MYO3B: variants seen among roughly 807,000 people sequenced by gnomAD.
The protein encoded by MYO3B is myosin IIIB, also known as myosin-IIIb.
A neutral mutation model predicts 174.6 loss-of-function variants in MYO3B; 156 were observed. The ratio of observed to expected loss-of-function variants is 0.89; its 90% CI spans 0.78 to 1.02. MYO3B has a LOEUF of 1.02. Ranked by LOEUF, MYO3B falls within the 50% of genes least tolerant of loss-of-function variation. The pLI, the probability that MYO3B is intolerant of heterozygous loss-of-function variation, is 0.00. For synonymous variants in MYO3B, 563 were observed against 569.1 expected (o/e 0.99, Z 0.15); for missense variants, 1,632 against 1,639.4 (o/e 1.00, Z 0.08).
chr2:170,518,924 C>G (rs1489760538), intron 29 of MYO3B, among the ~76,000 whole-genome samples: 1 of 152,210 alleles, frequency 6.6e-6, no homozygotes, highest in Non-Finnish European at 1.5e-5. Flanking sequence ...TTGTTACCCT[C>G]ATTGTTGAGA....
In MYO3B at chr2:170,490,032, C is replaced by CT. The variant is rs1421250552; in HGVS notation, c.3015-8546dup. On this transcript the variant is annotated intron_variant, in intron 25 of 34. Coordinates refer to ENST00000408978, the MANE Select transcript of MYO3B (RefSeq NM_138995.5). ...TTTTCATTTTCAGTTTCTTTTCTTT[C>CT]TTTTTTTTTTTTTTGAGATGGAGTC... is the stretch of plus-strand genomic sequence containing the variant. 2.2e-3 allele frequency among the ~76,000 whole-genome samples: 310 copies of CT among 139,592 alleles called. 5 individuals are homozygous for CT. In the South Asian group the frequency reaches 0.025, roughly 11 times the overall value. 91.6% of individuals were successfully genotyped at this position (139,592 alleles called of 152,430 possible).
At chr2:170,583,820 A>G (rs1575200880) in intron 32 of MYO3B, among the ~76,000 whole-genome samples, 1 of 152,194 alleles carries the variant, frequency 6.6e-6, no homozygotes, top group East Asian at 1.9e-4. Flanking sequence ...CAAATAGTAC[A>G]TTGTGACTTC....
chr2:170,221,449 G>A lies in MYO3B; in HGVS notation c.603+4054G>A, dbSNP rs180898125. 5.5e-3 allele frequency among the ~76,000 whole-genome samples: 842 copies of A among 152,240 alleles called. 9 individuals are homozygous for A. Among genetic ancestry groups the A allele is most frequent in the African/African-American group, 0.019 (784 of 41,544 alleles). On this transcript the variant is annotated intron_variant, in intron 6 of 34. Coordinates refer to ENST00000408978, the MANE Select transcript of MYO3B (RefSeq NM_138995.5). The stretch of plus-strand genomic sequence containing the variant: ...GGGTAGCTAATGGAATGTGACCACA[G>A]TACAATCAAATGTTGATGAGCAGTC...
At chr2:170,474,438 A>G (rs1345746547) in intron 25 of MYO3B, among the ~76,000 whole-genome samples, 1 of 151,940 alleles carries the variant, frequency 6.6e-6, no homozygotes, top group South Asian at 2.1e-4. Flanking sequence ...GGATAGGCTA[A>G]AACGATAGGC....
At chr2:170,261,099 C>A (rs569234263) in intron 7 of MYO3B, among the ~76,000 whole-genome samples, 29 of 152,216 alleles carry the variant, frequency 1.9e-4, no homozygotes, top group Non-Finnish European at 4.0e-4. Flanking sequence ...TCTTGGCTCA[C>A]CGCAAACTCC....
At chr2:170,261,031 T>G (rs1050552691) in intron 7 of MYO3B, among the ~76,000 whole-genome samples, 2 of 152,190 alleles carry the variant, frequency 1.3e-5, no homozygotes, top group Non-Finnish European at 2.9e-5. Context: ...TTTGTTTTTG[T>G]TTTTGTTTTG....
At chr2:170,374,286 A>G (rs1415088943) in intron 9 of MYO3B, among the ~76,000 whole-genome samples, 1 of 152,210 alleles carries the variant, frequency 6.6e-6, no homozygotes, top group Non-Finnish European at 1.5e-5. Context: ...GGTAGGGAAG[A>G]AAGTGACACC....
At chr2:170,564,164 G>A (rs1432594685) in intron 32 of MYO3B, among the ~76,000 whole-genome samples, 1 of 152,200 alleles carries the variant, frequency 6.6e-6, no homozygotes, top group African/African-American at 2.4e-5. Context: ...GGACCACTTA[G>A]ATGAAATGGC....
chr2:170,380,914 G>A (rs1196853206), intron 9 of MYO3B, among the ~76,000 whole-genome samples: 1 of 152,126 alleles, frequency 6.6e-6, no homozygotes, highest in South Asian at 2.1e-4. Context: ...CCAGAAGTTT[G>A]AGATTAGCCT....
intron 3 of MYO3B, among the ~76,000 whole-genome samples, chr2:170,212,009 C>T (rs988409081): frequency 1.9e-4 from 29 of 151,304 alleles, no homozygotes; most frequent in Non-Finnish European, 3.4e-4. Flanking sequence ...CTTGGGAGGC[C>T]GAGGCTGGCA....
At chr2:170,407,948 T>C (rs2094521585) in intron 22 of MYO3B, 104 bp downstream of exon 22, 9 of 1,370,746 alleles carry the variant, frequency 6.6e-6, no homozygotes, top group Non-Finnish European at 8.1e-6. Flanking sequence ...CCGCTAACAT[T>C]GAACTTCTTT....
At chr2:170,310,265 A>G (rs935529475) in intron 7 of MYO3B, among the ~76,000 whole-genome samples, 3 of 152,216 alleles carry the variant, frequency 2.0e-5, no homozygotes, top group African/African-American at 7.2e-5. Context: ...ATTGCCCGTG[A>G]CAGTGCCCTC....
chr2:170,455,131 G>A (rs1683837658), intron 23 of MYO3B, among the ~76,000 whole-genome samples: 1 of 152,214 alleles, frequency 6.6e-6, no homozygotes, highest in Non-Finnish European at 1.5e-5. Flanking sequence ...CCAGCTGCAT[G>A]ACTCCTAAAC....
chr2:170,586,111 T>C (rs1438879230), intron 32 of MYO3B, among the ~76,000 whole-genome samples: 1 of 152,224 alleles, frequency 6.6e-6, no homozygotes, highest in Admixed American at 6.5e-5. Flanking sequence ...AGCAGCACCT[T>C]TGGCGGAGTG....
intron 22 of MYO3B, among the ~76,000 whole-genome samples, chr2:170,434,033 C>G (rs1309258517): frequency 6.6e-6 from 1 of 152,212 alleles, no homozygotes; most frequent in Non-Finnish European, 1.5e-5. Flanking sequence ...TTTAACATTA[C>G]ACATGATCTC....
At chr2:170,581,094 C>T (rs1320212236) in intron 32 of MYO3B, among the ~76,000 whole-genome samples, 1 of 152,118 alleles carries the variant, frequency 6.6e-6, no homozygotes, top group African/African-American at 2.4e-5. Context: ...AGAATATTGC[C>T]AACTTGCTCT....
chr2:170,490,705 C>T (rs971857459), intron 25 of MYO3B, among the ~76,000 whole-genome samples: 1 of 152,038 alleles, frequency 6.6e-6, no homozygotes, highest in Non-Finnish European at 1.5e-5. Context: ...AGTCAAGATT[C>T]AGAAAGTTGT....
chr2:170,483,375 C>CTTTTTTTTTTTTTTTTT lies in MYO3B; in HGVS notation c.3015-15204_3015-15188dup, dbSNP rs61527598. Among the ~76,000 whole-genome samples, 10 of 62,102 alleles carry CTTTTTTTTTTTTTTTTT rather than the reference C, an allele frequency of 1.6e-4. 1 individual carries two copies. Among genetic ancestry groups the CTTTTTTTTTTTTTTTTT allele is most frequent in the South Asian group, 5.4e-4 (1 of 1,842 alleles). The allele number at this position is 62,102 out of a possible 152,430, so 40.7% of individuals were successfully genotyped here. A position where few individuals can be genotyped will look rare whatever the true frequency, so the allele number is the denominator to read the frequency against. Reference sequence around the variant, plus strand: ...AATTAAAACTCCTTGCTTGGGGATTCTTTTTTTTTTTTTTTTTTTTTTTTT... The same window carrying CTTTTTTTTTTTTTTTTT: ...AATTAAAACTCCTTGCTTGGGGATTCTTTTTTTTTTTTTTTTTTTTTTTTTTTTTTTTTTTTTTTTTT... On this transcript the variant is annotated intron_variant, in intron 25 of 34. Coordinates refer to ENST00000408978, the MANE Select transcript of MYO3B (RefSeq NM_138995.5).
intron 25 of MYO3B, among the ~76,000 whole-genome samples, chr2:170,496,014 G>A (rs1686836388): frequency 6.6e-6 from 1 of 152,168 alleles, no homozygotes; most frequent in Non-Finnish European, 1.5e-5. Context: ...CTTGACTCCT[G>A]GCTTTCCCTC....
Sources: allele counts gnomAD v4.1 joint callset (sites outside exome capture counted in the v4.1 genomes callset), GRCh38; gene constraint gnomAD v4.1.1; transcripts MANE v1.5; gene names NCBI Gene and HGNC (gene_info 2026-07-23, HGNC 2026-07-21).